SLIT3: variants seen among roughly 807,000 people sequenced by gnomAD.
SLIT3 encodes slit homolog 3 protein.
Under a neutral mutation model 184.0 loss-of-function variants are expected in SLIT3, and 68 were observed. The ratio of observed to expected loss-of-function variants is 0.37; its 90% CI spans 0.30 to 0.45. SLIT3 has a LOEUF of 0.45. SLIT3 is among the 20% of genes least tolerant of loss of function. The pLI, the probability that SLIT3 is intolerant of heterozygous loss-of-function variation, is 1.00. For missense variants in SLIT3, 1,707 were observed against 2,026.0 expected, an observed-to-expected ratio of 0.84 and a Z score of 3.02; for synonymous variants, 831 against 828.6, an observed-to-expected ratio of 1.00 and a Z score of -0.05.
At chr5:168,833,352 T>C (rs1757938248) in intron 6 of SLIT3, among the ~76,000 whole-genome samples, 1 of 152,200 alleles carries the variant, frequency 6.6e-6, no homozygotes, top group Non-Finnish European at 1.5e-5. Context: ...GGAGGGAGTC[T>C]CCCAGGAAGC....
At chr5:169,245,667 T>G (rs941687714) in intron 2 of SLIT3, among the ~76,000 whole-genome samples, 1 of 152,254 alleles carries the variant, frequency 6.6e-6, no homozygotes, top group South Asian at 2.1e-4. Context: ...GGGCTATGGA[T>G]TCCTCTGGAT....
chr5:169,297,203 T>C (rs1296406442), intron 1 of SLIT3, among the ~76,000 whole-genome samples: 1 of 152,250 alleles, frequency 6.6e-6, no homozygotes, highest in African/African-American at 2.4e-5. Flanking sequence ...TTTAGCTTTC[T>C]TGTGGGTGTC....
At chr5:168,995,978 A>G (rs1041555162) in intron 4 of SLIT3, among the ~76,000 whole-genome samples, 1 of 152,142 alleles carries the variant, frequency 6.6e-6, no homozygotes, top group African/African-American at 2.4e-5. Flanking sequence ...GAGTAACCCC[A>G]TCACCCTCCC....
chr5:168,768,029 C>T (rs537390356), intron 14 of SLIT3: 27 of 352,846 alleles, frequency 7.7e-5, no homozygotes, highest in African/African-American at 5.4e-4. Flanking sequence ...GAGACTCCTA[C>T]CCTCCTGCCT....
chr5:168,679,356 C>T (rs964414764), intron 32 of SLIT3, among the ~76,000 whole-genome samples: 3 of 152,164 alleles, frequency 2.0e-5, no homozygotes, highest in Admixed American at 2.0e-4. Flanking sequence ...CCATGCCTGG[C>T]TTTCTTTTGC....
chr5:169,046,319 T>C (rs922281962), intron 4 of SLIT3, among the ~76,000 whole-genome samples: 4 of 152,172 alleles, frequency 2.6e-5, no homozygotes, highest in Non-Finnish European at 5.9e-5. Flanking sequence ...ATCGCAGCAC[T>C]AGTTTTGCAG....
In SLIT3 at chr5:168,774,394, A is replaced by G; in HGVS notation, c.1152-16T>C. The G allele has an allele frequency of 6.2e-7, 1 of 1,601,448 alleles. No individual in the cohort carries two copies. The highest frequency in any genetic ancestry group is 8.5e-7 in the Non-Finnish European group (1 of 1,174,244). The stretch of plus-strand genomic sequence containing the variant: ...ATTGAGGAGGCTGCAAACAGAAGAG[A>G]GCCTGGTTGATTCACTAATCCTGGT... On this transcript the variant is annotated splice_polypyrimidine_tract_variant and intron_variant, in intron 12 of 35. Coordinates refer to ENST00000519560, the MANE Select transcript of SLIT3 (RefSeq NM_003062.4).
At chr5:169,108,274 C>A (rs752735702) in intron 4 of SLIT3, among the ~76,000 whole-genome samples, 2 of 152,234 alleles carry the variant, frequency 1.3e-5, no homozygotes, top group Non-Finnish European at 2.9e-5. Flanking sequence ...GGTCAAGCAA[C>A]CTGGGTTCAA....
chr5:168,889,593 C>T (rs537294559), intron 4 of SLIT3, among the ~76,000 whole-genome samples: 3 of 152,332 alleles, frequency 2.0e-5, no homozygotes, highest in African/African-American at 7.2e-5. Flanking sequence ...TCCTTTCCCT[C>T]ACAGATTCAT....
At chr5:169,021,274 A>G (rs1235266452) in intron 4 of SLIT3, among the ~76,000 whole-genome samples, 1 of 152,184 alleles carries the variant, frequency 6.6e-6, no homozygotes, top group East Asian at 1.9e-4. Context: ...GGGATGGGCA[A>G]GGGGCAGGTT....
At chr5:169,299,490 G>A (rs1228328330) in intron 1 of SLIT3, among the ~76,000 whole-genome samples, 1 of 152,026 alleles carries the variant, frequency 6.6e-6, no homozygotes, top group Non-Finnish European at 1.5e-5. Flanking sequence ...AGACACGGAG[G>A]GAATCTACCA....
At chr5:169,088,559 G>A (rs979428164) in intron 4 of SLIT3, among the ~76,000 whole-genome samples, 1 of 152,186 alleles carries the variant, frequency 6.6e-6, no homozygotes, top group East Asian at 1.9e-4. Flanking sequence ...GAGTGAGCAA[G>A]ACTGGTCAGA....
At chr5:169,231,371 A>G (rs534039776) in intron 3 of SLIT3, among the ~76,000 whole-genome samples, 3 of 152,060 alleles carry the variant, frequency 2.0e-5, no homozygotes, top group African/African-American at 7.2e-5. Context: ...TCCATTCGCA[A>G]CTCCCCATTG....
At position 168,912,937 on chromosome 5, in the gene SLIT3, G is replaced by A. The variant is rs62377187; in HGVS notation, c.414-29601C>T. Among the ~76,000 whole-genome samples, 1,395 of 152,118 alleles carry A rather than the reference G, an allele frequency of 9.2e-3. 8 individuals carry two copies. The highest frequency in any genetic ancestry group is 0.017 in the South Asian group (83 of 4,816). On this transcript the variant is annotated intron_variant, in intron 4 of 35. Coordinates refer to ENST00000519560, the MANE Select transcript of SLIT3 (RefSeq NM_003062.4). ...TGGATTCACTTGTTACAGCTCATTC[G>A]GCTTAGGTATTCCACCCTGTCTGGC...
At chr5:168,940,483 A>G (rs1383738057) in intron 4 of SLIT3, among the ~76,000 whole-genome samples, 1 of 152,242 alleles carries the variant, frequency 6.6e-6, no homozygotes, top group East Asian at 1.9e-4. Context: ...TCCTAGACAC[A>G]TAAAATTATA....
At chr5:168,807,718 A>G (rs1226045841) in intron 8 of SLIT3, among the ~76,000 whole-genome samples, 5 of 152,130 alleles carry the variant, frequency 3.3e-5, no homozygotes, top group East Asian at 3.8e-4. Flanking sequence ...TAGATTAAAC[A>G]CAGAACATGA....
intron 20 of SLIT3, among the ~76,000 whole-genome samples, chr5:168,728,362 C>T (rs913296144): frequency 2.6e-5 from 4 of 151,432 alleles, no homozygotes; most frequent in South Asian, 2.1e-4. Context: ...GTGACTGCTA[C>T]ACCAGATGTT....
intron 4 of SLIT3, among the ~76,000 whole-genome samples, chr5:169,086,623 G>A (rs296007): frequency 0.76 from 116,435 of 152,216 alleles, 45,706 homozygotes; most frequent in African/African-American, 0.94. Flanking sequence ...ACTGATGTCA[G>A]TATTAGCATG....
rs147857642 is a variant in SLIT3, at chr5:168,956,654, C to T, written c.414-73318G>A. 2.9e-3 allele frequency among the ~76,000 whole-genome samples: 446 copies of T among 151,736 alleles called. 4 individuals are homozygous for T. Among genetic ancestry groups the T allele is most frequent in the African/African-American group, 9.8e-3 (408 of 41,426 alleles). ...ACTAAAAACACAAAAATTAGCTGGC[C>T]GTGGTGGCGGGCGCCTGTAGTCCAG... On this transcript the variant is annotated intron_variant, in intron 4 of 35. Coordinates refer to ENST00000519560, the MANE Select transcript of SLIT3 (RefSeq NM_003062.4).
Sources: allele counts gnomAD v4.1 joint callset (sites outside exome capture counted in the v4.1 genomes callset), GRCh38; gene constraint gnomAD v4.1.1; transcripts MANE v1.5; gene names NCBI Gene and HGNC (gene_info 2026-07-23, HGNC 2026-07-21).